SOX6: variants seen among roughly 807,000 people sequenced by gnomAD.
The protein encoded by SOX6 is SRY-box transcription factor 6.
SOX6 carries 11 observed loss-of-function variants against 97.8 expected under a neutral mutation model. The ratio of observed to expected loss-of-function variants is 0.11; its 90% CI spans 0.07 to 0.19. SOX6 has a LOEUF of 0.19. Ranked by LOEUF, SOX6 falls within the 10% of genes least tolerant of loss-of-function variation. SOX6 has a pLI of 1.00. For missense variants in SOX6, 810 were observed against 1,039.5 expected (o/e 0.78, Z 3.04); for synonymous variants, 360 against 371.4 (o/e 0.97, Z 0.35).
rs766207527 is a variant in SOX6 at position 16,422,047 on chromosome 11, C to T, written c.-5+54268G>A. On this transcript the variant is annotated intron_variant, in intron 1 of 15. Coordinates refer to the SOX6 transcript ENST00000396356. The stretch of plus-strand genomic sequence containing the variant: ...GTAGGACTTGGCAGCAGTCCCTAGG[C>T]GTGCTTCATCCATACCATGTCATTT... Among the ~76,000 whole-genome samples, 5 of 152,152 alleles carry T rather than the reference C, an allele frequency of 3.3e-5. 1 individual carries two copies. The highest frequency in any genetic ancestry group is 1.9e-4 in the East Asian group (1 of 5,194).
intron 6 of SOX6, among the ~76,000 whole-genome samples, chr11:16,144,159 C>T (rs1773355375): frequency 2.0e-5 from 3 of 152,160 alleles, no homozygotes; most frequent in Non-Finnish European, 1.5e-5. Context: ...GTCTCTCAGA[C>T]CACAGTGCAA....
chr11:16,484,611 A>G, intron 4 of SOX6: 2 of 684,868 alleles, frequency 2.9e-6, no homozygotes, highest in Non-Finnish European at 2.7e-6. Flanking sequence ...GGGGGCTTCC[A>G]GGTGCCCAGC....
Position 16,636,469 on chromosome 11 carries a change from T to C in SOX6, n.430-24209A>G, listed in dbSNP as rs1848791915. 2.6e-5 allele frequency among the ~76,000 whole-genome samples: 4 copies of C among 152,306 alleles called. No homozygotes were observed. The Middle Eastern group carries it at 0.01, about 389-fold the overall frequency. On this transcript the variant is annotated intron_variant and non_coding_transcript_variant, in intron 3 of 5. Transcript: ENST00000524520. ...ACTTGCTTTTGATTTTACAGGCTCA[T>C]AGGTAGAAGGGACTTGCCTTGTCTC...
intron 4 of SOX6, among the ~76,000 whole-genome samples, chr11:16,601,237 A>G (rs1382648839): frequency 6.6e-6 from 1 of 152,310 alleles, no homozygotes; most frequent in South Asian, 2.1e-4. Flanking sequence ...TTTAATGGTA[A>G]TATGGCCTAT....
chr11:16,296,767 T>G (rs944950862), intron 3 of SOX6, among the ~76,000 whole-genome samples: 2 of 152,098 alleles, frequency 1.3e-5, no homozygotes, highest in African/African-American at 4.8e-5. Context: ...ACCTTTTAAG[T>G]CAAAAGTACT....
chr11:16,389,093 G>T (rs1590178898), intron 1 of SOX6, among the ~76,000 whole-genome samples: 2 of 151,348 alleles, frequency 1.3e-5, no homozygotes, highest in African/African-American at 2.4e-5. Flanking sequence ...TTTTGTTTTT[G>T]TTTTTAAGAG....
chr11:16,503,755 A>T (rs1485084837), intron 4 of SOX6, among the ~76,000 whole-genome samples: 2 of 152,140 alleles, frequency 1.3e-5, no homozygotes, highest in Non-Finnish European at 2.9e-5. Context: ...AAGAATTCTA[A>T]ATTTATCGGT....
At chr11:16,721,166 A>G (rs1210598462) in intron 2 of SOX6, among the ~76,000 whole-genome samples, 1 of 152,226 alleles carries the variant, frequency 6.6e-6, no homozygotes, top group African/African-American at 2.4e-5. Flanking sequence ...GATTAAACTT[A>G]GGTTCAAGGC....
chr11:16,579,502 C>T (rs1397625359), intron 4 of SOX6, among the ~76,000 whole-genome samples: 1 of 151,954 alleles, frequency 6.6e-6, no homozygotes, highest in Admixed American at 6.6e-5. Flanking sequence ...AGTAGTTATG[C>T]CTGAACTTAA....
intron 4 of SOX6, among the ~76,000 whole-genome samples, chr11:16,194,973 C>T (rs1851732923): frequency 6.6e-6 from 1 of 152,192 alleles, no homozygotes; most frequent in Non-Finnish European, 1.5e-5. Flanking sequence ...ATAACCTACA[C>T]ATAAAAATAG....
intron 4 of SOX6, among the ~76,000 whole-genome samples, chr11:16,588,023 A>G (rs1249289781): frequency 6.6e-6 from 1 of 152,232 alleles, no homozygotes; most frequent in African/African-American, 2.4e-5. Flanking sequence ...AGCACTCTCC[A>G]GGAGCACACT....
chr11:16,135,673 G>C (rs1186912219), intron 6 of SOX6, among the ~76,000 whole-genome samples: 2 of 152,204 alleles, frequency 1.3e-5, no homozygotes, highest in African/African-American at 4.8e-5. Flanking sequence ...TTATAGGTGA[G>C]CAAAGAAGCT....
chr11:16,176,632 C>A (rs1293098719), intron 6 of SOX6, among the ~76,000 whole-genome samples: 1 of 151,858 alleles, frequency 6.6e-6, no homozygotes, highest in Non-Finnish European at 1.5e-5. Flanking sequence ...TAGGTATATA[C>A]CCACAGCTAT....
chr11:16,017,843 C>T lies in SOX6; in HGVS notation c.1624-2793G>A, dbSNP rs528951509. On this transcript the variant is annotated intron_variant, in intron 12 of 15. Coordinates refer to ENST00000683767, the MANE Select transcript of SOX6 (RefSeq NM_001367873.1). ...TGAACTAGCTCTCACCATATACATA[C>T]CTCCCAAGTAAGATATGTTGGAGAT... is the stretch of plus-strand genomic sequence containing the variant. 7.0e-4 allele frequency among the ~76,000 whole-genome samples: 107 copies of T among 152,192 alleles called. 1 individual carries two copies. The highest frequency in any genetic ancestry group is 1.3e-3 in the Non-Finnish European group (89 of 67,980).
At chr11:16,552,905 T>G (rs1847705129) in intron 4 of SOX6, among the ~76,000 whole-genome samples, 1 of 152,174 alleles carries the variant, frequency 6.6e-6, no homozygotes, top group Admixed American at 6.6e-5. Flanking sequence ...AAAATTAAAA[T>G]GGCATTGTAT....
At chr11:16,246,254 GT>G (rs1386582135) in intron 3 of SOX6, among the ~76,000 whole-genome samples, 1 of 151,270 alleles carries the variant, frequency 6.6e-6, no homozygotes, top group African/African-American at 2.4e-5. Flanking sequence ...CATGGTTATT[GT>G]TTATTCTATA....
chr11:16,307,796 C>A (rs1294847003), intron 3 of SOX6, among the ~76,000 whole-genome samples: 1 of 152,180 alleles, frequency 6.6e-6, no homozygotes, highest in Non-Finnish European at 1.5e-5. Context: ...CATATTTTCA[C>A]AGTTGTTCTT....
chr11:16,267,245 G>C (rs1387804460), intron 3 of SOX6, among the ~76,000 whole-genome samples: 1 of 151,206 alleles, frequency 6.6e-6, no homozygotes, highest in East Asian at 1.9e-4. Flanking sequence ...ACAATTAACA[G>C]AGTGAAGACA....
At chr11:16,631,437 T>C (rs1848706178) in intron 3 of SOX6, among the ~76,000 whole-genome samples, 1 of 152,220 alleles carries the variant, frequency 6.6e-6, no homozygotes, top group Non-Finnish European at 1.5e-5. Context: ...GCTTGTAAAG[T>C]TTCTACTGAA....
Sources: gnomAD v4.1 joint callset for allele counts (sites outside exome capture counted in the v4.1 genomes callset) on GRCh38, gnomAD v4.1.1 for gene constraint, MANE v1.5 for transcripts, NCBI Gene and HGNC (gene_info 2026-07-23, HGNC 2026-07-21) for gene names.